Variants in SLC17A1 observed in about 807,000 individuals in gnomAD.
SLC17A1 encodes the protein sodium-dependent phosphate transport protein 1.
A neutral mutation model predicts 53.5 loss-of-function variants in SLC17A1; 51 were observed. The ratio of observed to expected loss-of-function variants is 0.95; its 90% CI spans 0.76 to 1.20. The LOEUF is 1.20. SLC17A1 is among the 50% of genes most tolerant of loss of function. SLC17A1 has a pLI of 0.00. For missense variants in SLC17A1, 538 were observed against 568.2 expected, an observed-to-expected ratio of 0.95 and a Z score of 0.54; for synonymous variants, 179 against 198.8, an observed-to-expected ratio of 0.90 and a Z score of 0.84.
chr6:25,768,255 G>A, the SLC17A1 span: 1 of 376,980 alleles, frequency 2.7e-6, no homozygotes, highest in Non-Finnish European at 3.7e-6. Flanking sequence ...CATTCCAAGA[G>A]CATTTGCTCC....
In SLC17A1 at chr6:25,811,549, G is replaced by A. The variant is rs1350193582; in HGVS notation, c.1031-4C>T. ...AAGATTGCAGGAAGGAGAAATCCTG[G>A]GGAGTGATTCAGACAACATAGTCAG... On this transcript the variant is annotated splice_polypyrimidine_tract_variant and splice_region_variant and intron_variant, in intron 9 of 12. Coordinates refer to ENST00000244527, the MANE Select transcript of SLC17A1 (RefSeq NM_005074.5). 1 of 1,613,788 alleles carries A rather than the reference G, an allele frequency of 6.2e-7. No homozygotes were observed. Among genetic ancestry groups the A allele is most frequent in the African/African-American group, 1.3e-5 (1 of 75,012 alleles).
the SLC17A1 span, among the ~76,000 whole-genome samples, chr6:25,752,061 GCTT>G: frequency 2.0e-5 from 3 of 152,194 alleles, no homozygotes; most frequent in Non-Finnish European, 4.4e-5. Flanking sequence ...CTCATCTACT[GCTT>G]CTTCTCCCCA....
the SLC17A1 span, chr6:25,726,856 G>A: frequency 6.4e-7 from 1 of 1,557,296 alleles, no homozygotes; most frequent in Non-Finnish European, 8.7e-7. Context: ...ACTGGAAAGT[G>A]CTGTGTAACC....
At chr6:25,800,825 T>C in intron 11 of SLC17A1, 65 bp downstream of exon 11, 1 of 1,008,310 alleles carries the variant, frequency 9.9e-7, no homozygotes, top group Admixed American at 2.1e-5. Flanking sequence ...CAATTTTTCA[T>C]ATGTGTAATC....
intron 12 of SLC17A1, among the ~76,000 whole-genome samples, chr6:25,792,378 AGCACTTTGGTAG>A (rs1370635037): frequency 6.6e-6 from 1 of 152,258 alleles, no homozygotes; most frequent in Non-Finnish European, 1.5e-5. Context: ...CTGTAATCCC[AGCACTTTGGTAG>A]GCCAAGGCAG....
intron 12 of SLC17A1, among the ~76,000 whole-genome samples, chr6:25,790,326 C>T (rs1174146786): frequency 6.6e-6 from 1 of 152,140 alleles, no homozygotes; most frequent in African/African-American, 2.4e-5. Context: ...ACATTATTCA[C>T]TCGAAGAATT....
chr6:25,813,039 C>A lies in SLC17A1; in HGVS notation c.736-47G>T, dbSNP rs372040333. ...ATTAGCACATTAGAACAAACTGGAA[C>A]ATGTTTAGTTTGGAGTAGAATCTGG... is the stretch of plus-strand genomic sequence containing the variant. On this transcript the variant is annotated intron_variant, in intron 7 of 12. Coordinates refer to ENST00000244527, the MANE Select transcript of SLC17A1 (RefSeq NM_005074.5). The A allele has an allele frequency of 5.0e-6, 8 of 1,610,764 alleles. No individual in the cohort carries two copies. In the African/African-American group the frequency reaches 8.0e-5, roughly 16 times the overall value.
chr6:25,801,754 C>T (rs991056583), intron 10 of SLC17A1, among the ~76,000 whole-genome samples: 10 of 152,142 alleles, frequency 6.6e-5, no homozygotes, highest in African/African-American at 2.4e-4. Context: ...CATTCCTACT[C>T]TGCCTTTACA....
the SLC17A1 span, among the ~76,000 whole-genome samples, chr6:25,748,201 G>C: frequency 6.6e-6 from 1 of 152,064 alleles, no homozygotes. Flanking sequence ...ACTGAACAGA[G>C]GCAAACAAAA....
At chr6:25,737,747 A>G in the SLC17A1 span, among the ~76,000 whole-genome samples, 9 of 152,186 alleles carry the variant, frequency 5.9e-5, no homozygotes, top group African/African-American at 2.2e-4. Flanking sequence ...CCCTTTCAAA[A>G]TATAATAACA....
In SLC17A1 at chr6:25,813,077, T is replaced by C; in HGVS notation, c.735+18A>G. 1 of 1,610,318 alleles carries C rather than the reference T, an allele frequency of 6.2e-7. No homozygotes were observed. The highest frequency in any genetic ancestry group is 8.5e-7 in the Non-Finnish European group (1 of 1,176,506). Reference sequence around the variant, plus strand: ...GAGTAGAATCTGGGAGATGCCAATATGGAGAACTGTGTTCTACCTGCTGGA... The same window carrying C: ...GAGTAGAATCTGGGAGATGCCAATACGGAGAACTGTGTTCTACCTGCTGGA... On this transcript the variant is annotated intron_variant, in intron 7 of 12. Coordinates refer to ENST00000244527, the MANE Select transcript of SLC17A1 (RefSeq NM_005074.5).
intron 8 of SLC17A1, among the ~76,000 whole-genome samples, chr6:25,812,010 G>A (rs576943446): frequency 1.3e-4 from 20 of 152,190 alleles, no homozygotes; most frequent in African/African-American, 3.6e-4. Context: ...ATCATGAAAC[G>A]TAAAAGCACT....
the SLC17A1 span, among the ~76,000 whole-genome samples, chr6:25,749,101 T>A: frequency 3.0e-4 from 46 of 152,300 alleles, no homozygotes; most frequent in Non-Finnish European, 6.0e-4. Context: ...GTCTTTCTCA[T>A]CCCACGAGGC....
chr6:25,805,122 G>A (rs551292657), intron 10 of SLC17A1, among the ~76,000 whole-genome samples: 9 of 152,046 alleles, frequency 5.9e-5, no homozygotes, highest in South Asian at 2.1e-4. Flanking sequence ...AAGATACACC[G>A]TATGATAGGC....
the SLC17A1 span, chr6:25,732,072 T>G: frequency 1.7e-6 from 2 of 1,189,258 alleles, no homozygotes; most frequent in Middle Eastern, 2.3e-4. Flanking sequence ...GCGGCATCTC[T>G]TGCGCTTTTT....
intron 10 of SLC17A1, among the ~76,000 whole-genome samples, chr6:25,811,188 A>T (rs542831693): frequency 1.3e-5 from 2 of 152,086 alleles, no homozygotes; most frequent in African/African-American, 2.4e-5. Context: ...GTATAAAACA[A>T]TGTATTATAT....
intron 11 of SLC17A1, 126 bp from the exon 12 acceptor site, chr6:25,799,045 AC>A (rs1763673959): frequency 1.3e-6 from 1 of 788,484 alleles, no homozygotes; most frequent in Admixed American, 3.1e-5. Flanking sequence ...ACATACTTAT[AC>A]ATAGCCGAAA....
At chr6:25,793,577 T>A (rs1763546657) in intron 12 of SLC17A1, among the ~76,000 whole-genome samples, 1 of 152,136 alleles carries the variant, frequency 6.6e-6, no homozygotes, top group Non-Finnish European at 1.5e-5. Flanking sequence ...TTTCCCCCTA[T>A]CAAAATGTGA....
intron 6 of SLC17A1, among the ~76,000 whole-genome samples, chr6:25,817,352 C>T (rs1254480650): frequency 6.6e-6 from 1 of 152,182 alleles, no homozygotes; most frequent in Non-Finnish European, 1.5e-5. Flanking sequence ...CTGCCACTAA[C>T]GAACAGGTCG....
Sources: gnomAD v4.1 joint callset for allele counts (sites outside exome capture counted in the v4.1 genomes callset) on GRCh38, gnomAD v4.1.1 for gene constraint, MANE v1.5 for transcripts, NCBI Gene and HGNC (gene_info 2026-07-23, HGNC 2026-07-21) for gene names.